Variants in GORASP2 observed in about 807,000 individuals in gnomAD.
The protein encoded by GORASP2 is golgi reassembly stacking protein 2, also known as Golgi reassembly-stacking protein 2.
In GORASP2, 22 loss-of-function variants were observed where a neutral mutation model predicts 45.7. The observed-to-expected ratio is 0.48, with a 90% CI of 0.34 to 0.69. GORASP2 has a LOEUF of 0.69. GORASP2 is among the 30% of genes least tolerant of loss of function. The probability of loss-of-function intolerance (pLI) is 0.01; values close to 1 mark genes in which losing one functional copy is unlikely to be tolerated. For synonymous variants in GORASP2, 221 were observed against 215.6 expected (o/e 1.02, Z -0.22); for missense variants, 491 against 562.7 (o/e 0.87, Z 1.29).
At chr2:170,937,478 G>A (rs892941842) in intron 1 of GORASP2, among the ~76,000 whole-genome samples, 5 of 152,126 alleles carry the variant, frequency 3.3e-5, no homozygotes, top group Non-Finnish European at 7.3e-5. Flanking sequence ...TGGGACTATA[G>A]CTGTGAGCCA....
chr2:170,962,367 T>G (rs1448948414), intron 8 of GORASP2, among the ~76,000 whole-genome samples: 1 of 152,266 alleles, frequency 6.6e-6, no homozygotes. Context: ...TGCTGATATG[T>G]GGACATGTGG....
intron 1 of GORASP2, among the ~76,000 whole-genome samples, chr2:170,934,620 G>A (rs371368794): frequency 6.6e-6 from 1 of 151,940 alleles, no homozygotes; most frequent in African/African-American, 2.4e-5. Context: ...GGAAACAATG[G>A]GTAAAAAGAA....
intron 9 of GORASP2, 117 bp from the exon 10 acceptor site, chr2:170,965,673 T>C (rs1704667788): frequency 5.4e-6 from 4 of 740,352 alleles, no homozygotes; most frequent in Non-Finnish European, 7.0e-6. Flanking sequence ...TTGTGATTTG[T>C]GTTACCTCCT....
chr2:170,956,300 A>G, intron 6 of GORASP2, 136 bp from the exon 7 acceptor site: 1 of 677,652 alleles, frequency 1.5e-6, no homozygotes, highest in South Asian at 1.9e-5. Flanking sequence ...GTCTGGAGGC[A>G]GACGTGCCAG....
At chr2:170,957,842 G>A (rs1306280094) in intron 7 of GORASP2, among the ~76,000 whole-genome samples, 3 of 152,054 alleles carry the variant, frequency 2.0e-5, no homozygotes, top group Admixed American at 6.6e-5. Context: ...TTATGTTTTT[G>A]TAGGGCTGGG....
intron 5 of GORASP2, chr2:170,951,718 G>T (rs1027969010): frequency 9.1e-6 from 2 of 220,484 alleles, no homozygotes; most frequent in African/African-American, 2.3e-5. Context: ...AAATTATTGC[G>T]CATAAGCCAT....
intron 1 of GORASP2, among the ~76,000 whole-genome samples, chr2:170,934,724 T>G (rs1236865401): frequency 6.6e-6 from 1 of 152,086 alleles, no homozygotes; most frequent in Non-Finnish European, 1.5e-5. Context: ...GATCTCTCCT[T>G]TTTTTTCTTT....
In GORASP2 at chr2:170,929,287, C is replaced by T. The variant is rs1007416320; in HGVS notation, c.-54C>T. ...GCGGAGGATTAGAGCAGGCGGTGCG[C>T]TGGGGGCGGGAGCAGCGCGGAGCCC... On this transcript the variant is annotated 5_prime_UTR_variant, in exon 1 of 10. Coordinates refer to ENST00000234160, the MANE Select transcript of GORASP2 (RefSeq NM_015530.5). 2 of 1,294,162 alleles carry T rather than the reference C, an allele frequency of 1.5e-6. No individual in the cohort carries two copies. Among genetic ancestry groups the T allele is most frequent in the Admixed American group, 4.0e-5 (1 of 24,948 alleles). 80.2% of individuals were successfully genotyped at this position (1,294,162 alleles called of 1,614,324 possible).
intron 5 of GORASP2, chr2:170,954,376 A>T: frequency 9.4e-6 from 3 of 318,594 alleles, no homozygotes; most frequent in South Asian, 6.3e-5. Context: ...GATGGTGATG[A>T]ATTCTTGAAA....
At chr2:170,961,420 G>A (rs533549208) in intron 7 of GORASP2, among the ~76,000 whole-genome samples, 3 of 152,078 alleles carry the variant, frequency 2.0e-5, no homozygotes, top group African/African-American at 7.3e-5. Flanking sequence ...CTGGGCTGGG[G>A]TGGGACTGCA....
intron 2 of GORASP2, 81 bp from the exon 3 acceptor site, chr2:170,949,458 T>C (rs1704247593): frequency 9.2e-6 from 8 of 870,780 alleles, no homozygotes; most frequent in South Asian, 8.9e-5. Flanking sequence ...ATTATTAATA[T>C]TACTCTTATA....
chr2:170,959,857 TG>T (rs1220326226), intron 7 of GORASP2, among the ~76,000 whole-genome samples: 1 of 143,694 alleles, frequency 7.0e-6, no homozygotes, highest in Non-Finnish European at 1.5e-5. Flanking sequence ...AGTCTTGCTC[TG>T]TCGCTCAGGC....
At chr2:170,944,823 T>A (rs1183316731) in intron 1 of GORASP2, among the ~76,000 whole-genome samples, 2 of 152,192 alleles carry the variant, frequency 1.3e-5, no homozygotes, top group Non-Finnish European at 2.9e-5. Context: ...ATTAATAGTT[T>A]TTTAGAAACA....
At chr2:170,953,381 A>G (rs1031030007) in intron 5 of GORASP2, among the ~76,000 whole-genome samples, 3 of 152,160 alleles carry the variant, frequency 2.0e-5, no homozygotes, top group African/African-American at 7.2e-5. Context: ...AAATAAATAA[A>G]TAAAATTAAA....
chr2:170,955,114 C>G (rs1204789344), intron 6 of GORASP2, among the ~76,000 whole-genome samples: 3 of 151,940 alleles, frequency 2.0e-5, no homozygotes, highest in Non-Finnish European at 4.4e-5. Flanking sequence ...GGGCAGAGAT[C>G]TAGCAAAGGA....
At chr2:170,936,457 C>T (rs1046560787) in intron 1 of GORASP2, among the ~76,000 whole-genome samples, 6 of 151,860 alleles carry the variant, frequency 4.0e-5, no homozygotes, top group African/African-American at 1.5e-4. Context: ...TGGGCTCAAG[C>T]GATCCTCTCG....
intron 6 of GORASP2, among the ~76,000 whole-genome samples, chr2:170,956,094 G>A (rs1317840331): frequency 2.0e-5 from 3 of 152,230 alleles, no homozygotes; most frequent in African/African-American, 7.2e-5. Context: ...GAAAGCAGTG[G>A]TGGTTTAAAG....
At chr2:170,950,535 T>C (rs1022362153) in intron 4 of GORASP2, among the ~76,000 whole-genome samples, 8 of 152,356 alleles carry the variant, frequency 5.3e-5, no homozygotes, top group African/African-American at 1.7e-4. Context: ...CAGAAATCTT[T>C]GCATACCTGA....
intron 1 of GORASP2, among the ~76,000 whole-genome samples, chr2:170,947,575 GC>G (rs1704205909): frequency 6.6e-6 from 1 of 152,098 alleles, no homozygotes; most frequent in African/African-American, 2.4e-5. Flanking sequence ...TGTATCCATT[GC>G]CCCTTCCTCT....
Sources: allele counts gnomAD v4.1 joint callset (sites outside exome capture counted in the v4.1 genomes callset), GRCh38; gene constraint gnomAD v4.1.1; transcripts MANE v1.5; gene names NCBI Gene and HGNC (gene_info 2026-07-23, HGNC 2026-07-21).